Variants in RAB11FIP2 observed in about 807,000 individuals in gnomAD.
The protein encoded by RAB11FIP2 is RAB11 family interacting protein 2.
Under a neutral mutation model 40.9 loss-of-function variants are expected in RAB11FIP2, and 16 were observed. The observed-to-expected ratio is 0.39, with a 90% CI of 0.26 to 0.59. The LOEUF is 0.59. RAB11FIP2 is among the 20% of genes least tolerant of loss of function. RAB11FIP2 has a pLI of 0.53. For missense variants in RAB11FIP2, 532 were observed against 606.2 expected, an observed-to-expected ratio of 0.88 and a Z score of 1.28; for synonymous variants, 228 against 213.7, an observed-to-expected ratio of 1.07 and a Z score of -0.58.
At chr10:118,029,101 G>C (rs748202127) in intron 3 of RAB11FIP2, among the ~76,000 whole-genome samples, 1 of 151,516 alleles carries the variant, frequency 6.6e-6, no homozygotes, top group Non-Finnish European at 1.5e-5. Flanking sequence ...CTATAGACCT[G>C]ACATTGTTGT....
intron 3 of RAB11FIP2, among the ~76,000 whole-genome samples, chr10:118,035,780 T>G (rs1846473421): frequency 6.6e-6 from 1 of 151,908 alleles, no homozygotes; most frequent in South Asian, 2.1e-4. Flanking sequence ...AAGACTTACG[T>G]AAGAAAATGC....
At chr10:118,020,515 T>C (rs894306846) in intron 3 of RAB11FIP2, among the ~76,000 whole-genome samples, 2 of 152,172 alleles carry the variant, frequency 1.3e-5, no homozygotes, top group Non-Finnish European at 2.9e-5. Context: ...TGGCTTATTA[T>C]GTTCTGCCAC....
At chr10:118,044,406 A>G (rs913804383) in intron 1 of RAB11FIP2, among the ~76,000 whole-genome samples, 2 of 152,188 alleles carry the variant, frequency 1.3e-5, no homozygotes, top group African/African-American at 4.8e-5. Flanking sequence ...GAAACAGATT[A>G]TTTGGTAATT....
chr10:118,029,024 T>C (rs917293241), intron 3 of RAB11FIP2, among the ~76,000 whole-genome samples: 5 of 151,860 alleles, frequency 3.3e-5, no homozygotes, highest in Admixed American at 6.6e-5. Context: ...AGCACCTCAT[T>C]AAAAAAACAA....
At chr10:118,045,541 ATGT>A (rs1846617666) in intron 1 of RAB11FIP2, 1 of 381,734 alleles carries the variant, frequency 2.6e-6, no homozygotes, top group African/African-American at 2.1e-5. Context: ...TACTGAAACA[ATGT>A]TAACTTACTT....
intron 3 of RAB11FIP2, among the ~76,000 whole-genome samples, chr10:118,015,621 A>T (rs1176355677): frequency 6.6e-6 from 1 of 152,216 alleles, no homozygotes; most frequent in Non-Finnish European, 1.5e-5. Flanking sequence ...ATTGTGGGAA[A>T]CATTTCTCTC....
rs117254235 is a variant in RAB11FIP2, at chr10:118,043,797, A to G, written c.353+2014T>C. Among the ~76,000 whole-genome samples, 994 of 152,310 alleles carry G rather than the reference A, an allele frequency of 6.5e-3. 6 individuals carry two copies. Among genetic ancestry groups the G allele is most frequent in the Non-Finnish European group, 0.011 (772 of 68,020 alleles). ...AGTTTAGCAATGTGCAGAATATTAA[A>G]TATCTTCCTTGAAATATACCGGCGG... is the stretch of plus-strand genomic sequence containing the variant. On this transcript the variant is annotated intron_variant, in intron 1 of 4. Coordinates refer to ENST00000355624, the MANE Select transcript of RAB11FIP2 (RefSeq NM_014904.3).
At chr10:118,011,140 T>A (rs988269737) in intron 4 of RAB11FIP2, among the ~76,000 whole-genome samples, 1 of 152,088 alleles carries the variant, frequency 6.6e-6, no homozygotes, top group Non-Finnish European at 1.5e-5. Context: ...AGACCAGAGT[T>A]AGCAAGAATG....
intron 1 of RAB11FIP2, chr10:118,045,176 CAAT>C (rs1272066239): frequency 1.3e-5 from 2 of 152,178 alleles, no homozygotes; most frequent in Non-Finnish European, 2.9e-5. Flanking sequence ...ATTCTGAATA[CAAT>C]AACTCTGATG....
chr10:118,043,364 G>T lies in RAB11FIP2; in HGVS notation c.353+2447C>A, dbSNP rs1254073714. The T allele has an allele frequency of 2.7e-5, 4 of 150,886 alleles. No individual in the cohort carries two copies. In the East Asian group the frequency reaches 7.7e-4, roughly 29 times the overall value. 9.3% of individuals were successfully genotyped at this position (150,886 alleles called of 1,614,324 possible). On this transcript the variant is annotated intron_variant, in intron 1 of 4. Coordinates refer to ENST00000355624, the MANE Select transcript of RAB11FIP2 (RefSeq NM_014904.3). ...CCTACTTCTATTGTAAAAAATCAAT[G>T]GATATTACACAACAGCATCAATGAT...
At chr10:118,013,988 T>C (rs1846185643) in intron 4 of RAB11FIP2, among the ~76,000 whole-genome samples, 1 of 152,078 alleles carries the variant, frequency 6.6e-6, no homozygotes, top group Non-Finnish European at 1.5e-5. Context: ...TCATATTTTC[T>C]CACATTTCTC....
At chr10:118,034,984 G>A (rs1846463657) in intron 3 of RAB11FIP2, among the ~76,000 whole-genome samples, 1 of 152,140 alleles carries the variant, frequency 6.6e-6, no homozygotes, top group Non-Finnish European at 1.5e-5. Context: ...GTGAGGCTGG[G>A]GCACGGGTGA....
chr10:118,009,194 T>C lies in RAB11FIP2; in HGVS notation c.1343A>G (p.Tyr448Cys). Residue 448 changes from tyrosine to cysteine, a missense_variant, in exon 5 of 5, where the codon TAT becomes TGT. Coordinates refer to ENST00000355624, the MANE Select transcript of RAB11FIP2 (RefSeq NM_014904.3). ...DSNPFDATAG[Y>C]RSLTYEEVLQ... ...AACCTCTTCATAGGTCAGACTACGA[T>C]ACCCTGCAGTGGCATCAAAGGGGTT... The C allele has an allele frequency of 1.9e-6, 3 of 1,613,382 alleles. No individual in the cohort carries two copies. In the African/African-American group the frequency reaches 4.0e-5, roughly 22 times the overall value.
chr10:118,034,246 C>T (rs6585472), intron 3 of RAB11FIP2, among the ~76,000 whole-genome samples: 13,179 of 151,766 alleles, frequency 0.087, 1,553 homozygotes, highest in African/African-American at 0.27. Context: ...AGAGGCAAAA[C>T]GGAGGATTGT....
intron 3 of RAB11FIP2, among the ~76,000 whole-genome samples, chr10:118,018,462 T>C (rs1476740275): frequency 6.6e-6 from 1 of 152,232 alleles, no homozygotes; most frequent in African/African-American, 2.4e-5. Context: ...CACTCACATT[T>C]AAAAAGGAGT....
intron 1 of RAB11FIP2, among the ~76,000 whole-genome samples, chr10:118,043,236 C>A (rs899597731): frequency 3.3e-5 from 5 of 151,982 alleles, no homozygotes; most frequent in African/African-American, 1.2e-4. Flanking sequence ...ACCGCTGAGA[C>A]ACACACACGT....
intron 1 of RAB11FIP2, among the ~76,000 whole-genome samples, chr10:118,041,829 C>T (rs1242344505): frequency 6.6e-6 from 1 of 152,058 alleles, no homozygotes; most frequent in African/African-American, 2.4e-5. Flanking sequence ...TGGAGCTATT[C>T]AATCAATTCA....
intron 3 of RAB11FIP2, among the ~76,000 whole-genome samples, chr10:118,019,534 G>A (rs1343568932): frequency 6.6e-6 from 1 of 152,048 alleles, no homozygotes; most frequent in Non-Finnish European, 1.5e-5. Context: ...AGAGACTTGG[G>A]GATTCACGGC....
At chr10:118,041,646 A>C (rs1015181219) in intron 1 of RAB11FIP2, among the ~76,000 whole-genome samples, 1 of 152,144 alleles carries the variant, frequency 6.6e-6, no homozygotes, top group Admixed American at 6.6e-5. Context: ...TTAGCTACAA[A>C]GGAACTCTGA....
Sources: allele counts gnomAD v4.1 joint callset (sites outside exome capture counted in the v4.1 genomes callset), GRCh38; gene constraint gnomAD v4.1.1; transcripts MANE v1.5; gene names NCBI Gene and HGNC (gene_info 2026-07-23, HGNC 2026-07-21).